The following ELMO1 variants were observed in gnomAD, a reference collection of about 807,000 sequenced individuals.
ELMO1 encodes the protein engulfment and cell motility protein 1.
Under a neutral mutation model 98.9 loss-of-function variants are expected in ELMO1, and 26 were observed. The ratio of observed to expected loss-of-function variants is 0.26; its 90% CI spans 0.19 to 0.36. The LOEUF (loss-of-function observed/expected upper bound fraction) is 0.36, where lower values mean the gene tolerates loss of function less well. Ranked by LOEUF, ELMO1 falls within the 10% of genes least tolerant of loss-of-function variation. ELMO1 has a pLI of 1.00. For missense variants in ELMO1, 627 were observed against 935.2 expected (o/e 0.67, Z 4.30); for synonymous variants, 346 against 346.0 (o/e 1.00, Z 0.00).
rs1032552908 is a variant in ELMO1, at chr7:37,180,677, A to G, written c.1086+30709T>C. Among the ~76,000 whole-genome samples, 6 of 152,206 alleles carry G rather than the reference A, an allele frequency of 3.9e-5. No individual in the cohort carries two copies. The East Asian group carries it at 1.2e-3, about 29-fold the overall frequency. On this transcript the variant is annotated intron_variant, in intron 13 of 21. Transcript: ENST00000310758. ...GTTTTTATAATTGTACAATAGGGCCATATTAGCAAATACGTACCTACTAAG... is the reference window on the plus strand; with the variant it reads ...GTTTTTATAATTGTACAATAGGGCCGTATTAGCAAATACGTACCTACTAAG...
chr7:37,259,215 A>G lies in ELMO1; in HGVS notation c.379T>C (p.Ser127Pro). The G allele has an allele frequency of 6.2e-7, 1 of 1,614,076 alleles. No individual in the cohort carries two copies. The highest frequency in any genetic ancestry group is 8.5e-7 in the Non-Finnish European group (1 of 1,179,980). Residue 127 changes from serine to proline, a missense_variant, in exon 6 of 22, where the codon TCT becomes CCT. Physicochemically the swap from Ser to Pro is moderately conservative, Grantham distance 74. Transcript: ENST00000310758. ...AQEFINLDGI[S>P]LLTQMVESGT... is the part of the protein sequence containing the mutation. The stretch of plus-strand genomic sequence containing the variant: ...CTCTCCACCATCTGCGTGAGGAGAG[A>G]GATACCGTCCAGGTTTATAAACTCC...
chr7:37,334,073 G>A (rs1244098771), intron 2 of ELMO1, among the ~76,000 whole-genome samples: 1 of 152,140 alleles, frequency 6.6e-6, no homozygotes, highest in Non-Finnish European at 1.5e-5. Flanking sequence ...CACCAGGGGA[G>A]CTTCATAAAA....
At chr7:37,418,049 C>A (rs563790012) in intron 1 of ELMO1, among the ~76,000 whole-genome samples, 3 of 152,190 alleles carry the variant, frequency 2.0e-5, no homozygotes, top group South Asian at 4.2e-4. Flanking sequence ...TGTGAGAGAA[C>A]AAATCTGCAT....
At chr7:37,442,905 G>A (rs1167134338) in intron 1 of ELMO1, among the ~76,000 whole-genome samples, 1 of 152,224 alleles carries the variant, frequency 6.6e-6, no homozygotes, top group Non-Finnish European at 1.5e-5. Context: ...CATGGTGCAG[G>A]AGAAAGAAAC....
rs565236917 is a variant in ELMO1, at chr7:36,971,860, C to T, written c.1437+41439G>A. Among the ~76,000 whole-genome samples, 6 of 152,170 alleles carry T rather than the reference C, an allele frequency of 3.9e-5. No individual in the cohort carries two copies. The South Asian group carries it at 8.3e-4, about 21-fold the overall frequency. ...TAGCTATTCTCAAATATTAACTTTTCCAAGAATAAGACAGGATAAAACAAG... is the reference window on the plus strand; with the variant it reads ...TAGCTATTCTCAAATATTAACTTTTTCAAGAATAAGACAGGATAAAACAAG... On this transcript the variant is annotated intron_variant, in intron 16 of 21. Coordinates refer to ENST00000310758, the MANE Select transcript of ELMO1 (RefSeq NM_014800.11).
chr7:37,034,245 G>A (rs59365487), intron 15 of ELMO1, among the ~76,000 whole-genome samples: 6,625 of 152,106 alleles, frequency 0.044, 455 homozygotes, highest in African/African-American at 0.15. Flanking sequence ...AATAGGACTG[G>A]TGCCCTTATA....
chr7:37,216,691 A>G lies in ELMO1; in HGVS notation c.785T>C (p.Met262Thr). 6.2e-7 allele frequency: 1 copy of G among 1,614,136 alleles called. No individual in the cohort carries two copies. The change falls in exon 11 of 22, where the codon ATG (methionine) becomes ACG (threonine). Residue 262 changes from methionine (M) to threonine (T), a missense_variant. Physicochemically the swap from Met to Thr is moderately conservative, Grantham distance 81. This residue lies in a region of ELMO1 where 492 missense variants were observed against 715.6 expected (regional missense o/e 0.69). Transcript: ENST00000310758. ...LKAPDERRQE[M>T]ANILAQKQLR... ...TTGCTTCTGAGCCAAAATATTCGCC[A>G]TCTCCTGTGGAAGAAAAACACACCC...
intron 16 of ELMO1, among the ~76,000 whole-genome samples, chr7:37,002,697 G>A (rs942817575): frequency 6.6e-6 from 1 of 152,224 alleles, no homozygotes; most frequent in Non-Finnish European, 1.5e-5. Context: ...CATTTGAAGA[G>A]TAAGTTGGAT....
At chr7:37,269,943 G>A (rs373203961) in intron 5 of ELMO1, 22 of 152,188 alleles carry the variant, frequency 1.4e-4, no homozygotes, top group African/African-American at 4.6e-4. Context: ...CTTAGATTGC[G>A]GAATTTTTGT....
intron 16 of ELMO1, among the ~76,000 whole-genome samples, chr7:36,897,010 T>C (rs1366393829): frequency 6.6e-6 from 1 of 152,170 alleles, no homozygotes; most frequent in African/African-American, 2.4e-5. Flanking sequence ...AGCTAAGAGT[T>C]ATAGAGTGAC....
intron 14 of ELMO1, among the ~76,000 whole-genome samples, chr7:37,108,514 A>C (rs1484724210): frequency 6.6e-6 from 1 of 152,204 alleles, no homozygotes; most frequent in Admixed American, 6.5e-5. Flanking sequence ...ACATGGCCAC[A>C]TCGTCCCTGG....
chr7:37,288,872 C>T (rs1173932364), intron 4 of ELMO1, among the ~76,000 whole-genome samples: 1 of 152,196 alleles, frequency 6.6e-6, no homozygotes, highest in Non-Finnish European at 1.5e-5. Context: ...ATACTTGAAC[C>T]TATATTCTAT....
intron 14 of ELMO1, among the ~76,000 whole-genome samples, chr7:37,124,300 G>A (rs1203697939): frequency 2.0e-5 from 3 of 152,156 alleles, no homozygotes; most frequent in African/African-American, 4.8e-5. Flanking sequence ...TCAGGCAGGA[G>A]AAAGAAATAA....
At chr7:37,195,106 C>T (rs1791883474) in intron 13 of ELMO1, among the ~76,000 whole-genome samples, 1 of 152,130 alleles carries the variant, frequency 6.6e-6, no homozygotes, top group South Asian at 2.1e-4. Context: ...TGGGAGAGCT[C>T]CCAGCAGGCT....
rs367819572 is a variant in ELMO1 at position 37,074,600 on chromosome 7, T to C, written c.1300+22019A>G. Among the ~76,000 whole-genome samples the C allele has an allele frequency of 1.6e-4, 24 of 152,324 alleles. No homozygotes were observed. The South Asian group carries it at 5.0e-3, about 32-fold the overall frequency. On this transcript the variant is annotated intron_variant, in intron 15 of 21. Transcript: ENST00000310758. ...TTGCTGTCCTATCTGAGTATCATGC[T>C]TGCAACACAGTAGGTGCCCCACAGA...
At chr7:37,104,159 A>G (rs1308264786) in intron 14 of ELMO1, among the ~76,000 whole-genome samples, 1 of 151,882 alleles carries the variant, frequency 6.6e-6, no homozygotes, top group Non-Finnish European at 1.5e-5. Context: ...TTGTCTAATC[A>G]CATTGTCCAA....
At chr7:37,273,640 C>T (rs1347462467) in intron 4 of ELMO1, among the ~76,000 whole-genome samples, 2 of 152,122 alleles carry the variant, frequency 1.3e-5, no homozygotes, top group Non-Finnish European at 2.9e-5. Context: ...CAGCAGAGTA[C>T]ACACCACACC....
chr7:37,420,387 C>T (rs763136817), intron 1 of ELMO1, among the ~76,000 whole-genome samples: 12 of 152,198 alleles, frequency 7.9e-5, no homozygotes, highest in African/African-American at 2.9e-4. Context: ...CTTGACTAAG[C>T]CCTGCCCATT....
intron 15 of ELMO1, among the ~76,000 whole-genome samples, chr7:37,015,848 G>C (rs1793898602): frequency 6.6e-6 from 1 of 152,128 alleles, no homozygotes; most frequent in East Asian, 1.9e-4. Flanking sequence ...CATTTCAACA[G>C]TTAGAAGCAA....
Sources: allele counts gnomAD v4.1 joint callset (sites outside exome capture counted in the v4.1 genomes callset), GRCh38; gene constraint gnomAD v4.1.1; regional missense constraint gnomAD v4.1.1; transcripts MANE v1.5; gene names NCBI Gene and HGNC (gene_info 2026-07-23, HGNC 2026-07-21).